The following HMGCLL1 variants were observed in gnomAD, a reference collection of about 807,000 sequenced individuals.
HMGCLL1 encodes 3-hydroxy-3-methylglutaryl-CoA lyase like 1, also known as 3-hydroxymethyl-3-methylglutaryl-CoA lyase, cytoplasmic.
A neutral mutation model predicts 39.1 loss-of-function variants in HMGCLL1; 36 were observed. The observed-to-expected ratio is 0.92, with a 90% CI of 0.71 to 1.22. The LOEUF is 1.22. Among genes scored for constraint, HMGCLL1 ranks in the 50% most tolerant of loss-of-function variants. The pLI is 0.00. For synonymous variants in HMGCLL1, 149 were observed against 144.0 expected, an observed-to-expected ratio of 1.03 and a Z score of -0.25; for missense variants, 451 against 416.5, an observed-to-expected ratio of 1.08 and a Z score of -0.72.
chr6:55,506,379 C>T (rs73746348), intron 5 of HMGCLL1, among the ~76,000 whole-genome samples: 4,302 of 137,208 alleles, frequency 0.031, 209 homozygotes, highest in African/African-American at 0.11. Context: ...AATTAAAAGG[C>T]CTCAGCCCCA....
At chr6:55,501,806 C>A (rs1307423133) in intron 5 of HMGCLL1, among the ~76,000 whole-genome samples, 2 of 151,838 alleles carry the variant, frequency 1.3e-5, no homozygotes, top group African/African-American at 4.8e-5. Context: ...AGCAATACTG[C>A]ATCACCTGGA....
At chr6:55,447,034 A>T (rs2127385886) in intron 7 of HMGCLL1, among the ~76,000 whole-genome samples, 1 of 152,144 alleles carries the variant, frequency 6.6e-6, no homozygotes, top group South Asian at 2.1e-4. Flanking sequence ...ATATCAAAAT[A>T]TGCTTATTTT....
At chr6:55,493,740 T>TG (rs1766436325) in intron 7 of HMGCLL1, among the ~76,000 whole-genome samples, 3 of 24,928 alleles carry the variant, frequency 1.2e-4, no homozygotes, top group African/African-American at 8.2e-4. Context: ...TTTGTTTTTG[T>TG]TTTTTTTTTT....
At chr6:55,529,122 T>G (rs959326876) in intron 3 of HMGCLL1, among the ~76,000 whole-genome samples, 2 of 152,142 alleles carry the variant, frequency 1.3e-5, no homozygotes, top group Non-Finnish European at 1.5e-5. Context: ...ATGCCTTTTG[T>G]GACCACCCTC....
At chr6:55,542,793 C>T (rs1477103944) in intron 1 of HMGCLL1, among the ~76,000 whole-genome samples, 1 of 105,554 alleles carries the variant, frequency 9.5e-6, no homozygotes, top group Admixed American at 1.2e-4. Context: ...AATATATATA[C>T]CTATATTTAT....
the HMGCLL1 span, among the ~76,000 whole-genome samples, chr6:55,630,339 GAATGGTTATATTTACCC>G: frequency 2.0e-5 from 3 of 152,016 alleles, no homozygotes; most frequent in Non-Finnish European, 4.4e-5. Context: ...CTCCCATTTA[GAATGGTTATATTTACCC>G]AATGCCCATA....
chr6:55,539,859 G>GAAAGA, intron 3 of HMGCLL1, among the ~76,000 whole-genome samples: 2 of 62,838 alleles, frequency 3.2e-5, no homozygotes, highest in East Asian at 1.1e-3. Flanking sequence ...AAAGAAAGAG[G>GAAAGA]AAGAAAGAAA....
At chr6:55,468,715 T>C (rs1206275822) in intron 7 of HMGCLL1, among the ~76,000 whole-genome samples, 1 of 151,896 alleles carries the variant, frequency 6.6e-6, no homozygotes, top group Non-Finnish European at 1.5e-5. Context: ...ATTAAGTAAT[T>C]TGCCTAAGAA....
chr6:55,495,375 G>A, intron 7 of HMGCLL1, 44 bp downstream of exon 7: 1 of 1,387,496 alleles, frequency 7.2e-7, no homozygotes, highest in East Asian at 2.4e-5. Flanking sequence ...AGATAAAGAT[G>A]AACACCCTAT....
At position 55,516,610 on chromosome 6, in the gene HMGCLL1, T is replaced by C. The variant is rs1329818365; in HGVS notation, c.298-7A>G. 11 of 1,552,892 alleles carry C rather than the reference T, an allele frequency of 7.1e-6. No individual in the cohort carries two copies. Among genetic ancestry groups the C allele is most frequent in the African/African-American group, 1.4e-5 (1 of 73,986 alleles). ...CTTCAGTGTGATCAGCCATCTTAAA[T>C]ACATAATAGTTATATGTAAATGTGT... On this transcript the variant is annotated splice_region_variant and splice_polypyrimidine_tract_variant and intron_variant, in intron 3 of 8. Transcript: ENST00000274901.
chr6:55,610,862 G>C, the HMGCLL1 span, among the ~76,000 whole-genome samples: 1 of 152,160 alleles, frequency 6.6e-6, no homozygotes, highest in Non-Finnish European at 1.5e-5. Context: ...CAAGCCAGAA[G>C]AGAGTGGGGA....
chr6:55,579,474 TATGTTGA>T (rs1173817904), upstream of HMGCLL1, among the ~76,000 whole-genome samples: 1 of 152,182 alleles, frequency 6.6e-6, no homozygotes, highest in Non-Finnish European at 1.5e-5. Context: ...CGTGAGTGTT[TATGTTGA>T]TGAGTTCGTT....
chr6:55,462,522 G>A (rs1056163274), intron 7 of HMGCLL1, among the ~76,000 whole-genome samples: 71 of 152,068 alleles, frequency 4.7e-4, no homozygotes, highest in African/African-American at 1.7e-3. Flanking sequence ...ATTTTCTAGA[G>A]ACTTTAATTT....
At chr6:55,606,494 C>A in the HMGCLL1 span, among the ~76,000 whole-genome samples, 2 of 152,092 alleles carry the variant, frequency 1.3e-5, no homozygotes, top group African/African-American at 4.8e-5. Flanking sequence ...ATTAGCCAAT[C>A]AATGTTGCAC....
intron 1 of HMGCLL1, among the ~76,000 whole-genome samples, chr6:55,575,900 G>A (rs1472840446): frequency 6.6e-6 from 1 of 152,108 alleles, no homozygotes; most frequent in African/African-American, 2.4e-5. Flanking sequence ...CATTTTGTTG[G>A]ACCTTGAACA....
At chr6:55,577,640 A>T (rs1169143759) in intron 1 of HMGCLL1, among the ~76,000 whole-genome samples, 1 of 152,198 alleles carries the variant, frequency 6.6e-6, no homozygotes, top group Non-Finnish European at 1.5e-5. Flanking sequence ...GAAAATAAAG[A>T]GGGAGAGAGA....
intron 3 of HMGCLL1, among the ~76,000 whole-genome samples, chr6:55,522,978 T>A (rs191592341): frequency 6.6e-6 from 1 of 152,132 alleles, no homozygotes; most frequent in Admixed American, 6.6e-5. Context: ...AAAGATATTT[T>A]TACAGTGGTA....
the HMGCLL1 span, among the ~76,000 whole-genome samples, chr6:55,642,834 C>G: frequency 3.3e-5 from 5 of 151,970 alleles, no homozygotes; most frequent in African/African-American, 1.2e-4. Flanking sequence ...TTGTTCCCCT[C>G]TTTGTGTTAA....
At chr6:55,444,920 A>G (rs1043839413) in intron 7 of HMGCLL1, among the ~76,000 whole-genome samples, 3 of 152,010 alleles carry the variant, frequency 2.0e-5, no homozygotes, top group African/African-American at 7.2e-5. Flanking sequence ...ATCTGAGTAA[A>G]AGAGGACTTG....
Sources: gnomAD v4.1 joint callset for allele counts (sites outside exome capture counted in the v4.1 genomes callset) on GRCh38, gnomAD v4.1.1 for gene constraint, MANE v1.5 for transcripts, NCBI Gene and HGNC (gene_info 2026-07-23, HGNC 2026-07-21) for gene names.